LONRF3: variants seen among roughly 807,000 people sequenced by gnomAD.
LONRF3 encodes LON peptidase N-terminal domain and ring finger 3.
A neutral mutation model predicts 51.7 loss-of-function variants in LONRF3; 19 were observed. The observed-to-expected ratio is 0.37, with a 90% confidence interval of 0.26 to 0.54. LONRF3 has a LOEUF of 0.54. Among genes scored for constraint, LONRF3 ranks in the 20% least tolerant of loss-of-function variants. LONRF3 has a pLI of 0.86. For synonymous variants in LONRF3, 265 were observed against 257.8 expected, an observed-to-expected ratio of 1.03 and a Z score of -0.27; for missense variants, 521 against 623.9, an observed-to-expected ratio of 0.84 and a Z score of 1.76.
At chrX:119,017,397 A>G (rs1464450836) in intron 10 of LONRF3, 138 bp from the exon 11 acceptor site, 1 of 589,821 alleles carries the variant, frequency 1.7e-6, no homozygotes, top group Non-Finnish European at 2.5e-6. Context: ...AATAAGGGGG[A>G]AAATAGATAT....
chrX:118,989,138 A>G (rs1397802405), intron 3 of LONRF3, among the ~76,000 whole-genome samples: 1 of 111,422 alleles, frequency 9.0e-6, no homozygotes, highest in African/African-American at 3.3e-5. Flanking sequence ...CACCTGCCCA[A>G]GGAGGCTCTC....
rs985496368 is a variant in LONRF3, at chrX:118,989,781, G to A, written c.1324+109G>A. 1.7e-5 allele frequency: 14 copies of A among 843,848 alleles called. No homozygotes were observed. In the East Asian group the frequency reaches 3.7e-4, roughly 23 times the overall value. The allele number at this position is 843,848 out of a possible 1,213,427, so 69.5% of individuals were successfully genotyped here. On this transcript the variant is annotated intron_variant, in intron 4 of 10. Transcript: ENST00000371628. ...GGGCTCCTTAGGCTCTGGGTGTGGG[G>A]CCCAGCTCTGGCATTTACTAGCTGT...
Position 119,011,967 on chromosome X carries a change from T to A in LONRF3, c.1805T>A (p.Val602Asp). 2.5e-6 allele frequency: 3 copies of A among 1,211,678 alleles called. No individual in the cohort carries two copies. The highest frequency in any genetic ancestry group is 3.4e-6 in the Non-Finnish European group (3 of 895,380). ...TTTGGCATGTGCCTTGGAGATCCTG[T>A]CAAAGGGTAAGTGAGGAGCCATGCG... ...RQFGMCLGDP[V>D]KGFAEYGCIL... The change falls in exon 8 of 11, where the codon GTC (valine) becomes GAC (aspartate). Residue 602 changes from valine to aspartate, a missense_variant. This residue lies in a region of LONRF3 where 145 missense variants were observed against 247.2 expected (regional missense o/e 0.59). Transcript: ENST00000371628.
chrX:119,004,063 G>A (rs1464651137), intron 5 of LONRF3, among the ~76,000 whole-genome samples: 1 of 110,834 alleles, frequency 9.0e-6, no homozygotes, highest in Non-Finnish European at 1.9e-5. Context: ...ATTTTTCTAA[G>A]TTCACCATCA....
chrX:118,980,132 G>A (rs747387313), intron 2 of LONRF3, among the ~76,000 whole-genome samples: 2 of 112,493 alleles, frequency 1.8e-5, no homozygotes, highest in South Asian at 3.7e-4. Context: ...CTTCCTGGAT[G>A]TAGTGCTCTG....
chrX:118,988,315 C>G (rs1013459260), intron 3 of LONRF3, among the ~76,000 whole-genome samples: 8 of 111,838 alleles, frequency 7.2e-5, no homozygotes, highest in African/African-American at 2.6e-4. Flanking sequence ...GCAGCTCCAT[C>G]TGAAAAGAAG....
chrX:118,997,710 A>T (rs1923973330), intron 5 of LONRF3, among the ~76,000 whole-genome samples: 1 of 112,660 alleles, frequency 8.9e-6, no homozygotes, highest in Admixed American at 9.3e-5. Flanking sequence ...GTGGGAGAAA[A>T]TCTTCACTAT....
intron 4 of LONRF3, 47 bp from the exon 5 acceptor site, chrX:118,990,423 G>T (rs747512043): frequency 9.7e-6 from 10 of 1,033,561 alleles, no homozygotes; most frequent in Non-Finnish European, 2.7e-6. Context: ...TACTATCTAT[G>T]AAACCGGGGT....
intron 3 of LONRF3, among the ~76,000 whole-genome samples, chrX:118,985,218 A>G (rs1922859155): frequency 9.0e-6 from 1 of 111,619 alleles, no homozygotes; most frequent in South Asian, 3.8e-4. Context: ...CTGCCCTTTC[A>G]TCCTTGCACC....
chrX:118,987,457 T>TTTTTTG (rs1923086626), intron 3 of LONRF3, among the ~76,000 whole-genome samples: 1 of 87,886 alleles, frequency 1.1e-5, no homozygotes, highest in Non-Finnish European at 2.2e-5. Flanking sequence ...TTTTTTTTTT[T>TTTTTTG]TTTTTTTTTT....
chrX:119,004,666 G>A (rs1377946770), intron 5 of LONRF3, among the ~76,000 whole-genome samples: 1 of 112,040 alleles, frequency 8.9e-6, no homozygotes, highest in East Asian at 2.8e-4. Flanking sequence ...GGGGAGGCAG[G>A]AAGGAGGGCT....
chrX:118,982,871 G>A lies in LONRF3; in HGVS notation c.987G>A (p.Glu329=), dbSNP rs750559416. The change falls in exon 3 of 11, where the codon GAG becomes GAA. Residue 329 remains glutamate (E), a synonymous_variant. Transcript: ENST00000371628. Reference sequence around the variant, plus strand: ...TAGCCACCCTAGGCAAGGTGGAGGAGGCACTAAGGGAGTTTCTCTACTGTG... The same window carrying A: ...TAGCCACCCTAGGCAAGGTGGAGGAAGCACTAAGGGAGTTTCTCTACTGTG... The part of the protein sequence containing the change: ...QALATLGKVE[E]ALREFLYCVS... 2 of 1,210,753 alleles carry A rather than the reference G, an allele frequency of 1.7e-6. No individual in the cohort carries two copies. Among genetic ancestry groups the A allele is most frequent in the South Asian group, 3.5e-5 (2 of 56,962 alleles).
At chrX:119,013,290 C>T (rs1370857384) in intron 9 of LONRF3, 89 bp downstream of exon 9, 18 of 919,890 alleles carry the variant, frequency 2.0e-5, no homozygotes, top group Non-Finnish European at 2.7e-5. Flanking sequence ...TTCTCAGAAC[C>T]CTTGAGGGCC....
At chrX:119,014,453 C>T (rs1345360572) in intron 10 of LONRF3, 97 bp downstream of exon 10, 10 of 793,225 alleles carry the variant, frequency 1.3e-5, no homozygotes, top group African/African-American at 6.3e-5. Context: ...TTCAGCACAT[C>T]GAATGCAGAG....
Position 118,999,252 on chromosome X carries a change from G to C in LONRF3, c.1416-6869G>C, listed in dbSNP as rs762967352. Among the ~76,000 whole-genome samples the C allele has an allele frequency of 2.7e-5, 3 of 111,557 alleles. No individual in the cohort carries two copies. The Admixed American group carries it at 2.9e-4, about 11-fold the overall frequency. On this transcript the variant is annotated intron_variant, in intron 5 of 10. Coordinates refer to ENST00000371628, the MANE Select transcript of LONRF3 (RefSeq NM_001031855.3). ...GAAGCACTCAAAGCAAGCCTCCCAT[G>C]CTGTCAGGAGTTGGTGTGGGTGGAG...
At chrX:119,013,944 G>T in intron 9 of LONRF3, among the ~76,000 whole-genome samples, 1 of 111,779 alleles carries the variant, frequency 8.9e-6, no homozygotes, top group Non-Finnish European at 1.9e-5. Flanking sequence ...AGGCCGGTTT[G>T]AATCTCTGGT....
chrX:118,996,474 A>G (rs933682835), intron 5 of LONRF3, among the ~76,000 whole-genome samples: 7 of 111,782 alleles, frequency 6.3e-5, no homozygotes, highest in Admixed American at 5.7e-4. Flanking sequence ...AGGTTTCTGG[A>G]TACAAGATTA....
intron 4 of LONRF3, 148 bp from the exon 5 acceptor site, chrX:118,990,322 A>G (rs1221992867): frequency 2.1e-6 from 1 of 471,467 alleles, no homozygotes; most frequent in African/African-American, 2.4e-5. Context: ...TCCCATTCTC[A>G]ACGGCTCAGG....
chrX:118,974,975 G>C lies in LONRF3; in HGVS notation c.195G>C (p.Pro65=), dbSNP rs1376866679. The C allele has an allele frequency of 2.6e-6, 3 of 1,175,201 alleles. No homozygotes were observed. Among genetic ancestry groups the C allele is most frequent in the Non-Finnish European group, 3.4e-6 (3 of 877,201 alleles). The change falls in exon 1 of 11, where the codon CCG becomes CCC. Residue 65 remains proline, a synonymous_variant. Transcript: ENST00000371628. ...AGCAGTCTCCGGGGACCTCAACGCC[G>C]GAGAGCAAAGTCCTGCTCACGCAGG... ...EQEQSPGTST[P]ESKVLLTQAD...
Sources: allele counts gnomAD v4.1 joint callset (sites outside exome capture counted in the v4.1 genomes callset), GRCh38; gene constraint gnomAD v4.1.1; regional missense constraint gnomAD v4.1.1; transcripts MANE v1.5; gene names NCBI Gene and HGNC (gene_info 2026-07-23, HGNC 2026-07-21).